P4HA2: variants seen among roughly 807,000 people sequenced by gnomAD.
P4HA2 encodes prolyl 4-hydroxylase subunit alpha 2.
A neutral mutation model predicts 76.9 loss-of-function variants in P4HA2; 46 were observed. The observed-to-expected ratio is 0.60, with a 90% CI of 0.47 to 0.76. The LOEUF (loss-of-function observed/expected upper bound fraction) is 0.76, where lower values mean the gene tolerates loss of function less well. Among genes scored for constraint, P4HA2 ranks in the 30% least tolerant of loss-of-function variants. The pLI is 0.00. For missense variants in P4HA2, 583 were observed against 669.4 expected, an observed-to-expected ratio of 0.87 and a Z score of 1.42; for synonymous variants, 243 against 254.0, an observed-to-expected ratio of 0.96 and a Z score of 0.41.
chr5:132,204,210 A>G (rs1006228173), intron 8 of P4HA2, 58 bp from the exon 9 acceptor site: 53 of 1,384,904 alleles, frequency 3.8e-5, no homozygotes, highest in Non-Finnish European at 4.9e-5. Flanking sequence ...TTTGCCTTGA[A>G]TATTTTCCCA....
At chr5:132,208,734 G>C (rs1053585469) in intron 7 of P4HA2, among the ~76,000 whole-genome samples, 3 of 151,704 alleles carry the variant, frequency 2.0e-5, no homozygotes, top group Non-Finnish European at 2.9e-5. Context: ...AGGATCCCAG[G>C]GCTCTCAAAG....
rs1396450279 is a variant in P4HA2 at position 132,192,786 on chromosome 5, A to G, written c.*224T>C. On this transcript the variant is annotated 3_prime_UTR_variant, in exon 15 of 15. Transcript: ENST00000360568. Reference sequence around the variant, plus strand: ...GGCGCTAGACAGCTAACTCTGCTGCAGCCACTTTGATCCTAGCCTTGGGGC... The same window carrying G: ...GGCGCTAGACAGCTAACTCTGCTGCGGCCACTTTGATCCTAGCCTTGGGGC... The G allele has an allele frequency of 3.8e-6, 2 of 527,104 alleles. No individual in the cohort carries two copies. 32.7% of individuals were successfully genotyped at this position (527,104 alleles called of 1,614,324 possible).
chr5:132,226,007 A>T (rs1755341086), intron 1 of P4HA2, among the ~76,000 whole-genome samples: 1 of 152,306 alleles, frequency 6.6e-6, no homozygotes, highest in Non-Finnish European at 1.5e-5. Flanking sequence ...GCCCTAAAAG[A>T]AAAGAATTCA....
rs57069452 is a variant in P4HA2, at chr5:132,191,560, G to A, written c.*1450C>T. On this transcript the variant is annotated 3_prime_UTR_variant, in exon 15 of 15. Transcript: ENST00000360568. Reference sequence around the variant, plus strand: ...TTTCAACATATGAATCTGGTGGGGGGACACAAACATTTAGTCCGTAACATG... The same window carrying A: ...TTTCAACATATGAATCTGGTGGGGGAACACAAACATTTAGTCCGTAACATG... Among the ~76,000 whole-genome samples the A allele has an allele frequency of 1.0e-3, 152 of 151,424 alleles. 1 individual carries two copies. The highest frequency in any genetic ancestry group is 3.6e-3 in the African/African-American group (149 of 41,248).
chr5:132,203,738 C>A lies in P4HA2; in HGVS notation c.1251+10G>T. 2 of 1,543,578 alleles carry A rather than the reference C, an allele frequency of 1.3e-6. No homozygotes were observed. Among genetic ancestry groups the A allele is most frequent in the Middle Eastern group, 1.7e-4 (1 of 5,924 alleles). On this transcript the variant is annotated intron_variant, in intron 10 of 14. Coordinates refer to ENST00000360568, the MANE Select transcript of P4HA2 (RefSeq NM_001017974.2). Reference sequence around the variant, plus strand: ...TTCCCAACTCCTACAGTCCCAGGTACTATCTGTACCTGTAACAATTCTGCA... The same window carrying A: ...TTCCCAACTCCTACAGTCCCAGGTAATATCTGTACCTGTAACAATTCTGCA...
chr5:132,205,612 G>A (rs939678836), intron 8 of P4HA2, among the ~76,000 whole-genome samples: 1 of 152,172 alleles, frequency 6.6e-6, no homozygotes, highest in African/African-American at 2.4e-5. Flanking sequence ...CCAGGTGGTG[G>A]CAGAAGGGAT....
At chr5:132,204,878 A>G (rs986272130) in intron 8 of P4HA2, among the ~76,000 whole-genome samples, 6 of 152,234 alleles carry the variant, frequency 3.9e-5, no homozygotes, top group Non-Finnish European at 8.8e-5. Flanking sequence ...CAGCCTCCAC[A>G]GTTAGGCTTA....
intron 4 of P4HA2, among the ~76,000 whole-genome samples, chr5:132,214,530 T>C (rs1181314549): frequency 1.3e-5 from 2 of 152,144 alleles, no homozygotes; most frequent in African/African-American, 4.8e-5. Context: ...ACATTTCAAG[T>C]TGAGGAGTCC....
rs1048993399 is a variant in P4HA2 at position 132,190,885 on chromosome 5, T to C, written c.*2125A>G. On this transcript the variant is annotated 3_prime_UTR_variant, in exon 15 of 15. Transcript: ENST00000360568. ...GAAGAAACCTAATAACTAATAAACA[T>C]GAAAAGTTGTTCAACATTATCAGTA... Among the ~76,000 whole-genome samples, 3 of 152,196 alleles carry C rather than the reference T, an allele frequency of 2.0e-5. No homozygotes were observed. Among genetic ancestry groups the C allele is most frequent in the Non-Finnish European group, 4.4e-5 (3 of 68,024 alleles).
At chr5:132,221,325 A>G (rs1006992737) in intron 1 of P4HA2, among the ~76,000 whole-genome samples, 2 of 152,236 alleles carry the variant, frequency 1.3e-5, no homozygotes, top group Non-Finnish European at 1.5e-5. Context: ...GCAGAAAACC[A>G]ATACTGAGTT....
chr5:132,223,811 C>T (rs1365661876), intron 1 of P4HA2, among the ~76,000 whole-genome samples: 1 of 152,180 alleles, frequency 6.6e-6, no homozygotes, highest in Non-Finnish European at 1.5e-5. Context: ...AGAAGGTTTC[C>T]TACATATCTG....
chr5:132,193,425 G>A (rs1052110033), intron 14 of P4HA2: 1 of 163,908 alleles, frequency 6.1e-6, no homozygotes, highest in Non-Finnish European at 1.3e-5. Flanking sequence ...AGAGGGAAGA[G>A]GAAATCCTAG....
chr5:132,210,212 GCA>G (rs1491290608), intron 6 of P4HA2, 70 bp downstream of exon 6: 470 of 1,549,546 alleles, frequency 3.0e-4, no homozygotes, highest in Non-Finnish European at 4.1e-4. Flanking sequence ...GAGGGGTCAG[GCA>G]GATGCCAGCA....
intron 1 of P4HA2, among the ~76,000 whole-genome samples, chr5:132,220,258 T>C (rs945434543): frequency 6.6e-6 from 1 of 152,238 alleles, no homozygotes; most frequent in African/African-American, 2.4e-5. Context: ...GGCTTCTCTC[T>C]TGCTTACACA....
At chr5:132,204,003 G>T in intron 9 of P4HA2, 79 bp downstream of exon 9, 1 of 1,304,666 alleles carries the variant, frequency 7.7e-7, no homozygotes, top group Non-Finnish European at 1.1e-6. Flanking sequence ...GAAAAGGCAA[G>T]CCACCCATCC....
chr5:132,220,611 A>T (rs1388766331), intron 1 of P4HA2, among the ~76,000 whole-genome samples: 3 of 152,176 alleles, frequency 2.0e-5, no homozygotes, highest in Non-Finnish European at 4.4e-5. Context: ...TGCTCCTATC[A>T]TCTACGGTTC....
chr5:132,215,601 G>T (rs1488953656), intron 4 of P4HA2, among the ~76,000 whole-genome samples: 1 of 152,184 alleles, frequency 6.6e-6, no homozygotes, highest in East Asian at 1.9e-4. Flanking sequence ...ACCCAGTCTG[G>T]CCACATGGGC....
chr5:132,210,172 G>T lies in P4HA2; in HGVS notation c.709+112C>A, dbSNP rs997642907. 102 of 1,244,702 alleles carry T rather than the reference G, an allele frequency of 8.2e-5. No individual in the cohort carries two copies. The East Asian group carries it at 2.3e-3, about 28-fold the overall frequency. 77.1% of individuals were successfully genotyped at this position (1,244,702 alleles called of 1,614,324 possible). A position where few individuals can be genotyped will look rare whatever the true frequency, so the allele number is the denominator to read the frequency against. ...CAGTAAGGCATTAGTCACTGGCCAA[G>T]TGACAGGGTAAACTGACTCAGTCCC... On this transcript the variant is annotated intron_variant, in intron 6 of 14. Coordinates refer to ENST00000360568, the MANE Select transcript of P4HA2 (RefSeq NM_001017974.2).
Position 132,209,248 on chromosome 5 carries a change from G to C in P4HA2, c.793C>G (p.Gln265Glu). 6.2e-7 allele frequency: 1 copy of C among 1,613,948 alleles called. No homozygotes were observed. Among genetic ancestry groups the C allele is most frequent in the South Asian group, 1.1e-5 (1 of 91,082 alleles). Residue 265 changes from glutamine (Q) to glutamate (E), a missense_variant, in exon 7 of 15, where the codon CAG becomes GAG. Coordinates refer to ENST00000360568, the MANE Select transcript of P4HA2 (RefSeq NM_001017974.2). ...GGGGTTGCTAGCTCAGCTTCTGTCT[G>C]ATTTGTTAACGTTTTTTCTCTCTCT... The part of the protein sequence containing the change: ...EEEREKTLTN[Q>E]TEAELATPEG...
Sources: allele counts gnomAD v4.1 joint callset (sites outside exome capture counted in the v4.1 genomes callset), GRCh38; gene constraint gnomAD v4.1.1; transcripts MANE v1.5; gene names NCBI Gene and HGNC (gene_info 2026-07-23, HGNC 2026-07-21).